ISY1: variants seen among roughly 807,000 people sequenced by gnomAD.
ISY1 encodes the protein pre-mRNA-splicing factor ISY1 homolog.
In ISY1, 12 loss-of-function variants were observed where a neutral mutation model predicts 54.4. The observed-to-expected ratio is 0.22, with a 90% confidence interval of 0.14 to 0.36. ISY1 has a LOEUF of 0.36. ISY1 is among the 10% of genes least tolerant of loss of function. The probability of loss-of-function intolerance (pLI) is 1.00; values close to 1 mark genes in which losing one functional copy is unlikely to be tolerated. For missense variants in ISY1, 282 were observed against 342.2 expected (o/e 0.82, Z 1.39); for synonymous variants, 96 against 117.9 (o/e 0.81, Z 1.20).
chr3:129,155,201 T>TTTTG (rs200072498), intron 5 of ISY1, among the ~76,000 whole-genome samples: 4,437 of 151,590 alleles, frequency 0.029, 144 homozygotes, highest in East Asian at 0.11. Flanking sequence ...TATATGTATT[T>TTTTG]TTTGTTTGTT....
At chr3:129,159,764 G>A (rs1050245252) in intron 1 of ISY1, among the ~76,000 whole-genome samples, 1 of 152,160 alleles carries the variant, frequency 6.6e-6, no homozygotes, top group African/African-American at 2.4e-5. Context: ...CTTACCATCT[G>A]TGAGAAGTAG....
chr3:129,137,130 C>G lies in ISY1; in HGVS notation c.419-2176G>C, dbSNP rs552476804. On this transcript the variant is annotated intron_variant, in intron 7 of 10. Transcript: ENST00000393295. ...AGCCAGGATGGTCTTGATCTCCTGACCTTGTGATCCGCCCGCCTCAGCCTC... is the reference window on the plus strand; with the variant it reads ...AGCCAGGATGGTCTTGATCTCCTGAGCTTGTGATCCGCCCGCCTCAGCCTC... 2.1e-5 allele frequency: 5 copies of G among 233,054 alleles called. No individual in the cohort carries two copies. The South Asian group carries it at 6.3e-4, about 29-fold the overall frequency. The allele number at this position is 233,054 out of a possible 1,614,324, so 14.4% of individuals were successfully genotyped here. A position where few individuals can be genotyped will look rare whatever the true frequency, so the allele number is the denominator to read the frequency against.
At position 129,158,408 on chromosome 3, in the gene ISY1, C is replaced by A. The variant is rs1937208892; in HGVS notation, c.78+100G>T. 2.6e-6 allele frequency: 4 copies of A among 1,546,302 alleles called. No homozygotes were observed. In the East Asian group the frequency reaches 9.1e-5, roughly 35 times the overall value. ...TCCTAGACTCAAGTGATCCACCCAC[C>A]TCAGCCTCCCCAAGTATTGGGATTA... is the stretch of plus-strand genomic sequence containing the variant. On this transcript the variant is annotated intron_variant, in intron 3 of 10. Transcript: ENST00000393295.
rs1254916370 is a variant in ISY1, at chr3:129,137,192, C to G, written c.419-2238G>C. 7 of 954,010 alleles carry G rather than the reference C, an allele frequency of 7.3e-6. No homozygotes were observed. The highest frequency in any genetic ancestry group is 6.2e-5 in the Admixed American group (1 of 16,192). 59.1% of individuals were successfully genotyped at this position (954,010 alleles called of 1,614,324 possible). A position where few individuals can be genotyped will look rare whatever the true frequency, so the allele number is the denominator to read the frequency against. Reference sequence around the variant, plus strand: ...GGATTACAGGCATGAGCCACCGCACCTGGCCTAAAAAAATAAAAAAATTTT... The same window carrying G: ...GGATTACAGGCATGAGCCACCGCACGTGGCCTAAAAAAATAAAAAAATTTT... On this transcript the variant is annotated intron_variant, in intron 7 of 10. Transcript: ENST00000393295.
chr3:129,134,728 G>A, intron 8 of ISY1, 104 bp downstream of exon 8: 1 of 1,420,492 alleles, frequency 7.0e-7, no homozygotes, highest in Non-Finnish European at 9.4e-7. Context: ...TAGCAACAAA[G>A]AAAACTCCCT....
At position 129,136,135 on chromosome 3, in the gene ISY1, G is replaced by A. The variant is rs1488349855; in HGVS notation, c.419-1181C>T. 7.3e-5 allele frequency among the ~76,000 whole-genome samples: 11 copies of A among 150,918 alleles called. No individual in the cohort carries two copies. The South Asian group carries it at 1.3e-3, about 17-fold the overall frequency. ...TTTTTTTTTTTTGAGATGGAATTTC[G>A]CTCTTGTCCAGGCTGGAGTGCAATG... is the stretch of plus-strand genomic sequence containing the variant. On this transcript the variant is annotated intron_variant, in intron 7 of 10. Transcript: ENST00000393295.
At chr3:129,157,509 T>C (rs750110478) in intron 3 of ISY1, among the ~76,000 whole-genome samples, 1 of 151,988 alleles carries the variant, frequency 6.6e-6, no homozygotes, top group Non-Finnish European at 1.5e-5. Flanking sequence ...GCCTGAGGCC[T>C]GGAGTTTGAG....
intron 5 of ISY1, among the ~76,000 whole-genome samples, chr3:129,149,707 C>G (rs1342830770): frequency 1.2e-4 from 15 of 126,112 alleles, no homozygotes; most frequent in Non-Finnish European, 2.4e-4. Context: ...CTGAGGCAGG[C>G]GAATCGCTTA....
At chr3:129,134,755 A>C in intron 8 of ISY1, 77 bp downstream of exon 8, 1 of 1,499,114 alleles carries the variant, frequency 6.7e-7, no homozygotes, top group South Asian at 1.2e-5. Flanking sequence ...ATAAAGCACT[A>C]TTGAAAATCC....
At chr3:129,157,861 G>A (rs1937191359) in intron 3 of ISY1, among the ~76,000 whole-genome samples, 1 of 152,012 alleles carries the variant, frequency 6.6e-6, no homozygotes, top group East Asian at 1.9e-4. Flanking sequence ...AGCGTCAGCA[G>A]GTACAGATAA....
chr3:129,143,171 C>A (rs1232543658), intron 6 of ISY1, among the ~76,000 whole-genome samples: 2 of 152,114 alleles, frequency 1.3e-5, no homozygotes, highest in African/African-American at 4.8e-5. Flanking sequence ...CATGATCGTG[C>A]CACTGCACTC....
At chr3:129,151,558 G>GACGGT in intron 5 of ISY1, among the ~76,000 whole-genome samples, 1 of 151,998 alleles carries the variant, frequency 6.6e-6, no homozygotes, top group Admixed American at 6.6e-5. Flanking sequence ...GAACCCAGGG[G>GACGGT]ACAGAGGTTG....
chr3:129,145,593 G>A (rs1260974210), intron 6 of ISY1, among the ~76,000 whole-genome samples, 168 bp downstream of exon 6: 2 of 152,154 alleles, frequency 1.3e-5, no homozygotes, highest in African/African-American at 4.8e-5. Flanking sequence ...GGTACATACA[G>A]ATGCCCCGTC....
chr3:129,134,931 G>T lies in ISY1; in HGVS notation c.442C>A (p.Arg148Ser). Residue 148 changes from arginine to serine, a missense_variant, in exon 8 of 11, where the codon CGT becomes AGT. By Grantham distance (110) the Arg-to-Ser change is moderately radical. Transcript: ENST00000393295. ...TCGATTGCCTTCATGAGCTCAGCACGTGTCTTTCTGGGAGGAGGAAGAGCT... is the reference window on the plus strand; with the variant it reads ...TCGATTGCCTTCATGAGCTCAGCACTTGTCTTTCTGGGAGGAGGAAGAGCT... ...KEPLPPPRKT[R>S]AELMKAIDFE... The T allele has an allele frequency of 6.2e-7, 1 of 1,608,998 alleles. No individual in the cohort carries two copies. The highest frequency in any genetic ancestry group is 8.5e-7 in the Non-Finnish European group (1 of 1,176,930).
At chr3:129,142,148 T>G (rs1162720123) in intron 6 of ISY1, among the ~76,000 whole-genome samples, 1 of 144,964 alleles carries the variant, frequency 6.9e-6, no homozygotes, top group African/African-American at 2.6e-5. Context: ...GAGGTTAGGG[T>G]GAGCTGAGAT....
At chr3:129,154,744 A>G (rs1315617215) in intron 5 of ISY1, among the ~76,000 whole-genome samples, 1 of 144,890 alleles carries the variant, frequency 6.9e-6, no homozygotes, top group Non-Finnish European at 1.5e-5. Flanking sequence ...GCTGGAGTGC[A>G]GTGGCGCGAT....
chr3:129,142,878 A>G (rs954017676), intron 6 of ISY1, among the ~76,000 whole-genome samples: 6 of 152,090 alleles, frequency 3.9e-5, no homozygotes, highest in Non-Finnish European at 7.4e-5. Flanking sequence ...AACATGGTGA[A>G]ACCCTGTCTC....
intron 6 of ISY1, among the ~76,000 whole-genome samples, chr3:129,142,215 A>G (rs910854654): frequency 2.6e-5 from 4 of 151,976 alleles, no homozygotes; most frequent in Admixed American, 2.6e-4. Context: ...TCGAAAAAAA[A>G]AAAAAAAAAG....
chr3:129,140,184 T>C (rs537176918), intron 7 of ISY1, among the ~76,000 whole-genome samples, 184 bp downstream of exon 7: 2 of 152,198 alleles, frequency 1.3e-5, no homozygotes, highest in Non-Finnish European at 2.9e-5. Context: ...CCCAATTGTA[T>C]GGCATGGGCC....
Sources: gnomAD v4.1 joint callset for allele counts (sites outside exome capture counted in the v4.1 genomes callset) on GRCh38, gnomAD v4.1.1 for gene constraint, MANE v1.5 for transcripts, NCBI Gene and HGNC (gene_info 2026-07-23, HGNC 2026-07-21) for gene names.